PPFIBP1: variants seen among roughly 807,000 people sequenced by gnomAD.
PPFIBP1 encodes PPFIB scaffold protein 1.
In PPFIBP1, 112 loss-of-function variants were observed where a neutral mutation model predicts 137.8. The observed-to-expected ratio is 0.81, with a 90% CI of 0.70 to 0.95. The LOEUF is 0.95. Among genes scored for constraint, PPFIBP1 ranks in the 40% least tolerant of loss-of-function variants. PPFIBP1 has a pLI of 0.00. For missense variants in PPFIBP1, 1,083 were observed against 1,196.6 expected, an observed-to-expected ratio of 0.91 and a Z score of 1.40; for synonymous variants, 378 against 417.3, an observed-to-expected ratio of 0.91 and a Z score of 1.15.
Position 27,693,060 on chromosome 12 carries a change from A to G in PPFIBP1, c.*178A>G. The stretch of plus-strand genomic sequence containing the variant: ...TGCCGATTCTGAAGTTGCCACAAAA[A>G]ATAAGACACTGGTGAATGAGAGTAT... On this transcript the variant is annotated 3_prime_UTR_variant, in exon 30 of 30. Coordinates refer to ENST00000228425, the MANE Select transcript of PPFIBP1 (RefSeq NM_003622.4). 1.2e-6 allele frequency: 1 copy of G among 867,728 alleles called. No homozygotes were observed. Among genetic ancestry groups the G allele is most frequent in the Non-Finnish European group, 1.7e-6 (1 of 604,710 alleles). 53.8% of individuals were successfully genotyped at this position (867,728 alleles called of 1,614,324 possible).
chr12:27,682,498 A>T lies in PPFIBP1; in HGVS notation c.2158A>T (p.Arg720Ter). The T allele has an allele frequency of 1.9e-6, 3 of 1,611,430 alleles. No individual in the cohort carries two copies. In the South Asian group the frequency reaches 3.3e-5, roughly 18 times the overall value. The change falls in exon 23 of 30, where the codon AGA (arginine) becomes TGA (stop). Residue 720 changes from arginine (R) to a stop codon, truncating the protein, a stop_gained and splice_region_variant. Transcript: ENST00000228425. LOFTEE classifies it high-confidence loss of function. Reference protein sequence around the residue: ...HGKLDFNWVTRWLDDIGLPQY... With the variant: ...HGKLDFNWVT ...GAAGCTGGATTTCAACTGGGTCACT[A>T]GTAAGAAGTTTTTATTCTAACAAAA...
At chr12:27,671,077 G>C (rs2060167548) in intron 13 of PPFIBP1, among the ~76,000 whole-genome samples, 1 of 151,808 alleles carries the variant, frequency 6.6e-6, no homozygotes, top group Non-Finnish European at 1.5e-5. Flanking sequence ...GCTACGGCAG[G>C]AGACTGCTTG....
intron 1 of PPFIBP1, among the ~76,000 whole-genome samples, chr12:27,551,655 C>T (rs10842931): frequency 0.34 from 51,076 of 151,746 alleles, 8,762 homozygotes; most frequent in Middle Eastern, 0.46. Flanking sequence ...GTGTAGTCTC[C>T]GGTGCCAAGA....
intron 2 of PPFIBP1, among the ~76,000 whole-genome samples, chr12:27,618,606 C>T (rs969922440): frequency 1.3e-5 from 2 of 152,164 alleles, no homozygotes; most frequent in African/African-American, 4.8e-5. Context: ...AACCAACCTC[C>T]CTCCCCCAAA....
intron 2 of PPFIBP1, among the ~76,000 whole-genome samples, chr12:27,601,503 C>T (rs942693709): frequency 6.6e-6 from 1 of 152,144 alleles, no homozygotes; most frequent in Non-Finnish European, 1.5e-5. Flanking sequence ...CATACCGCTG[C>T]CAAAGGCTAC....
chr12:27,659,829 C>T (rs2059434398), intron 10 of PPFIBP1, among the ~76,000 whole-genome samples: 1 of 152,088 alleles, frequency 6.6e-6, no homozygotes. Flanking sequence ...CCTGTAATCC[C>T]AACTCCTCAA....
chr12:27,634,037 A>C (rs530094338), intron 3 of PPFIBP1, among the ~76,000 whole-genome samples: 1 of 151,102 alleles, frequency 6.6e-6, no homozygotes, highest in South Asian at 2.1e-4. Context: ...GGGTTTCACC[A>C]TCTTGGCCAG....
intron 2 of PPFIBP1, among the ~76,000 whole-genome samples, chr12:27,583,046 TA>T (rs1471541844): frequency 6.6e-6 from 1 of 152,210 alleles, no homozygotes; most frequent in Non-Finnish European, 1.5e-5. Flanking sequence ...GATATTAAGA[TA>T]TTTTTGAGGA....
intron 28 of PPFIBP1, 130 bp from the exon 29 acceptor site, chr12:27,692,461 G>T (rs1381109165): frequency 8.7e-6 from 7 of 800,754 alleles, no homozygotes; most frequent in Middle Eastern, 7.3e-4. Context: ...ATTATCACCA[G>T]AAGTGTTCTG....
intron 17 of PPFIBP1, among the ~76,000 whole-genome samples, chr12:27,675,145 C>T (rs894364733): frequency 2.0e-5 from 3 of 151,928 alleles, no homozygotes; most frequent in African/African-American, 7.3e-5. Flanking sequence ...CCTGTTCTGT[C>T]CTCTGATTTT....
At chr12:27,631,261 A>G (rs182321191) in intron 2 of PPFIBP1, among the ~76,000 whole-genome samples, 1 of 152,140 alleles carries the variant, frequency 6.6e-6, no homozygotes, top group Non-Finnish European at 1.5e-5. Context: ...ATTGATTTCT[A>G]GGAATTCTAC....
intron 2 of PPFIBP1, among the ~76,000 whole-genome samples, chr12:27,585,852 T>C (rs889016770): frequency 2.6e-4 from 40 of 152,040 alleles, no homozygotes; most frequent in African/African-American, 9.2e-4. Flanking sequence ...AGCAAAAGCA[T>C]TGGAGCACGA....
At chr12:27,576,676 A>C (rs1334599108) in intron 1 of PPFIBP1, among the ~76,000 whole-genome samples, 1 of 152,222 alleles carries the variant, frequency 6.6e-6, no homozygotes, top group Non-Finnish European at 1.5e-5. Context: ...TTTTGGTGTT[A>C]GATCAGCTGT....
rs74077244 is a variant in PPFIBP1, at chr12:27,688,105, C to T, written c.2371-193C>T. The T allele has an allele frequency of 9.9e-3, 6,027 of 607,822 alleles. 284 individuals carry two copies. In the African/African-American group the frequency reaches 0.1, roughly 10 times the overall value. The allele number at this position is 607,822 out of a possible 1,614,324, so 37.7% of individuals were successfully genotyped here. On this transcript the variant is annotated intron_variant, in intron 25 of 29. Transcript: ENST00000228425. ...CTGTCTTAAAAAAAAAAAAGACTTC[C>T]TTTCCTAAAGCAATGCTTTATTAGT...
At chr12:27,595,184 G>A (rs1425386896) in intron 2 of PPFIBP1, among the ~76,000 whole-genome samples, 1 of 152,228 alleles carries the variant, frequency 6.6e-6, no homozygotes, top group Admixed American at 6.5e-5. Flanking sequence ...TTTTAGTCCA[G>A]CTTTTTCTGT....
At chr12:27,620,631 G>A (rs1439763812) in intron 2 of PPFIBP1, among the ~76,000 whole-genome samples, 1 of 152,038 alleles carries the variant, frequency 6.6e-6, no homozygotes, top group African/African-American at 2.4e-5. Flanking sequence ...CAGACTGTCT[G>A]ACTTCACATC....
chr12:27,685,247 A>G (rs74077239), intron 24 of PPFIBP1, among the ~76,000 whole-genome samples: 12,363 of 151,586 alleles, frequency 0.082, 1,684 homozygotes, highest in African/African-American at 0.28. Context: ...ACATACACAT[A>G]TATGCATGTT....
At chr12:27,524,848 T>C (rs1466369990) in intron 1 of PPFIBP1, among the ~76,000 whole-genome samples, 2 of 152,314 alleles carry the variant, frequency 1.3e-5, no homozygotes, top group East Asian at 3.9e-4. Flanking sequence ...TATATCAATG[T>C]AAAATATCCT....
intron 7 of PPFIBP1, among the ~76,000 whole-genome samples, chr12:27,654,034 G>A (rs1006047071): frequency 9.2e-5 from 14 of 152,134 alleles, no homozygotes; most frequent in African/African-American, 3.4e-4. Context: ...CCAGAGAATA[G>A]AGAATAGTTG....
Sources: gnomAD v4.1 joint callset for allele counts (sites outside exome capture counted in the v4.1 genomes callset) on GRCh38, gnomAD v4.1.1 for gene constraint, MANE v1.5 for transcripts, NCBI Gene and HGNC (gene_info 2026-07-23, HGNC 2026-07-21) for gene names.